AGAP1: variants seen among roughly 807,000 people sequenced by gnomAD.
AGAP1 encodes ArfGAP with GTPase domain, ankyrin repeat and PH domain 1.
In AGAP1, 29 loss-of-function variants were observed where a neutral mutation model predicts 105.3. That is an observed-to-expected ratio of 0.28 (90% confidence interval 0.21 to 0.38). AGAP1 has a LOEUF of 0.38. Among genes scored for constraint, AGAP1 ranks in the 10% least tolerant of loss-of-function variants. The pLI is 1.00. For missense variants in AGAP1, 998 were observed against 1,165.1 expected (o/e 0.86, Z 2.09); for synonymous variants, 509 against 485.9 (o/e 1.05, Z -0.63).
intron 6 of AGAP1, chr2:235,774,031 A>G (rs1400837982): frequency 6.5e-6 from 3 of 458,024 alleles, no homozygotes; most frequent in Non-Finnish European, 1.3e-5. Flanking sequence ...AGCAATTACT[A>G]CTACTATTAT....
In AGAP1 at chr2:236,123,874, A is replaced by G. The variant is rs1450478939; in HGVS notation, c.2371-45A>G. The G allele has an allele frequency of 1.2e-6, 2 of 1,608,046 alleles. No individual in the cohort carries two copies. Among genetic ancestry groups the G allele is most frequent in the South Asian group, 1.1e-5 (1 of 90,788 alleles). On this transcript the variant is annotated intron_variant, in intron 17 of 17. Coordinates refer to ENST00000304032, the MANE Select transcript of AGAP1 (RefSeq NM_001037131.3). This position sits in a 1 kb window ranked among gnomAD's most constrained non-coding sequence, Gnocchi z 4.6. Reference sequence around the variant, plus strand: ...GAAAGCTTCCCTGCCCCCTCCCTCCATCACATCCCCCATGATACTAATGTG... The same window carrying G: ...GAAAGCTTCCCTGCCCCCTCCCTCCGTCACATCCCCCATGATACTAATGTG...
At chr2:235,581,464 T>TA (rs1161675758) in intron 1 of AGAP1, among the ~76,000 whole-genome samples, 1 of 144,984 alleles carries the variant, frequency 6.9e-6, no homozygotes, top group Non-Finnish European at 1.5e-5. Flanking sequence ...TTTTTTTTTT[T>TA]AATGGATTGA....
chr2:235,501,723 C>G (rs1296950584), intron 1 of AGAP1, among the ~76,000 whole-genome samples: 1 of 152,134 alleles, frequency 6.6e-6, no homozygotes, highest in African/African-American at 2.4e-5. Flanking sequence ...GTTTTAACCA[C>G]TGATTTCGTT....
At chr2:235,617,616 C>T (rs868164874) in intron 1 of AGAP1, among the ~76,000 whole-genome samples, 5 of 152,102 alleles carry the variant, frequency 3.3e-5, no homozygotes, top group Admixed American at 6.6e-5. Context: ...GCAGGAGAAT[C>T]GCTTGAACCT....
intron 12 of AGAP1, among the ~76,000 whole-genome samples, chr2:235,955,446 T>C (rs1038382257): frequency 1.3e-5 from 2 of 152,202 alleles, no homozygotes; most frequent in African/African-American, 4.8e-5. Context: ...CGAATGCTCA[T>C]GTTCATGAGC....
intron 9 of AGAP1, among the ~76,000 whole-genome samples, chr2:235,831,184 T>TAAAA (rs35101565): frequency 0.014 from 1,954 of 138,022 alleles, 44 homozygotes; most frequent in African/African-American, 0.052. Flanking sequence ...TCTTCTTCTT[T>TAAAA]AAAAAAAAAA....
At position 235,663,255 on chromosome 2, in the gene AGAP1, G is replaced by GC. The variant is rs1948020764; in HGVS notation, c.164-45922dup. ...ACCTGGGAGACAGAGGTTGCAGTGA[G>GC]CCAAGATTGCACCATTGCACTCCAG... On this transcript the variant is annotated intron_variant, in intron 1 of 17. Transcript: ENST00000304032. This position sits in a 1 kb window ranked among gnomAD's most constrained non-coding sequence, Gnocchi z 5.4. 6.6e-6 allele frequency among the ~76,000 whole-genome samples: 1 copy of GC among 152,150 alleles called. No individual in the cohort carries two copies. Among genetic ancestry groups the GC allele is most frequent in the South Asian group, 2.1e-4 (1 of 4,824 alleles).
rs566792481 is a variant in AGAP1, at chr2:235,844,896, G to T, written c.1050+37565G>T. ...CCCTTCATTCCCAAGATGGCCTTCT[G>T]TAAGACAAACATTGTAGCACCCATC... On this transcript the variant is annotated intron_variant, in intron 9 of 17. Transcript: ENST00000304032. Among the ~76,000 whole-genome samples the T allele has an allele frequency of 9.4e-4, 143 of 152,256 alleles. 1 individual carries two copies. Among genetic ancestry groups the T allele is most frequent in the African/African-American group, 3.0e-3 (126 of 41,566 alleles).
intron 6 of AGAP1, among the ~76,000 whole-genome samples, chr2:235,779,105 C>T (rs954777589): frequency 7.2e-5 from 11 of 152,212 alleles, no homozygotes; most frequent in African/African-American, 2.7e-4. Flanking sequence ...TTCGGCGCTC[C>T]CCACCCCTGT....
chr2:236,031,415 C>T (rs542895117), intron 13 of AGAP1, among the ~76,000 whole-genome samples: 14 of 152,296 alleles, frequency 9.2e-5, no homozygotes, highest in African/African-American at 2.9e-4. Context: ...GCTAGCTGAT[C>T]GCAGATCCTT....
At chr2:235,534,696 G>A (rs1428149572) in intron 1 of AGAP1, among the ~76,000 whole-genome samples, 2 of 152,146 alleles carry the variant, frequency 1.3e-5, no homozygotes, top group African/African-American at 4.8e-5. Flanking sequence ...AGGGATACAC[G>A]GTGCCACCGT....
intron 1 of AGAP1, among the ~76,000 whole-genome samples, chr2:235,681,810 A>ACCTAAGT (rs1949086132): frequency 7.0e-6 from 1 of 143,184 alleles, no homozygotes; most frequent in Non-Finnish European, 1.5e-5. Context: ...ACGTGTGTAT[A>ACCTAAGT]CCTAAGTCCT....
At chr2:235,707,981 G>A (rs567639649) in intron 1 of AGAP1, among the ~76,000 whole-genome samples, 2 of 152,196 alleles carry the variant, frequency 1.3e-5, no homozygotes, top group Admixed American at 1.3e-4. Flanking sequence ...GACCTGGTGG[G>A]TTGTGCTCCC....
intron 1 of AGAP1, among the ~76,000 whole-genome samples, chr2:235,531,590 G>A (rs1196543173): frequency 6.7e-6 from 1 of 149,950 alleles, no homozygotes; most frequent in African/African-American, 2.5e-5. Context: ...GACACCTTTG[G>A]TTCTCTGGTA....
At chr2:235,812,782 C>T (rs145890468) in intron 9 of AGAP1, among the ~76,000 whole-genome samples, 2 of 152,320 alleles carry the variant, frequency 1.3e-5, no homozygotes, top group African/African-American at 2.4e-5. Context: ...GGACGGCTCA[C>T]GTTTATTAAG....
chr2:235,796,705 G>A (rs978839739), intron 6 of AGAP1, among the ~76,000 whole-genome samples: 3 of 151,892 alleles, frequency 2.0e-5, no homozygotes, highest in Non-Finnish European at 2.9e-5. Flanking sequence ...TATGGGCCCC[G>A]TCTACGTTAT....
rs527661318 is a variant in AGAP1 at position 235,736,936 on chromosome 2, G to A, written c.311-4027G>A. ...GTAGGTTGAATTTAAAATGGTGCAA[G>A]TGGTGGTGCCTGCAGAGTACCAGCT... is the stretch of plus-strand genomic sequence containing the variant. On this transcript the variant is annotated intron_variant, in intron 3 of 17. Coordinates refer to ENST00000304032, the MANE Select transcript of AGAP1 (RefSeq NM_001037131.3). This position sits in a 1 kb window ranked among gnomAD's most constrained non-coding sequence, Gnocchi z 5.5. 6.6e-6 allele frequency among the ~76,000 whole-genome samples: 1 copy of A among 152,362 alleles called. No individual in the cohort carries two copies. Among genetic ancestry groups the A allele is most frequent in the East Asian group, 1.9e-4 (1 of 5,178 alleles).
chr2:235,614,708 A>G lies in AGAP1; in HGVS notation c.164-94471A>G, dbSNP rs927826811. Among the ~76,000 whole-genome samples the G allele has an allele frequency of 6.6e-6, 1 of 152,160 alleles. No individual in the cohort carries two copies. On this transcript the variant is annotated intron_variant, in intron 1 of 17. Transcript: ENST00000304032. This position sits in a 1 kb window ranked among gnomAD's most constrained non-coding sequence, Gnocchi z 4.7. Reference sequence around the variant, plus strand: ...GGCAGGGCCCTTTTTCCACACGCTTAGGGAAGATACGAGACTGGCTAACTC... The same window carrying G: ...GGCAGGGCCCTTTTTCCACACGCTTGGGGAAGATACGAGACTGGCTAACTC...
intron 2 of AGAP1, among the ~76,000 whole-genome samples, chr2:235,710,937 GCCCCATGGGGAGGGATAGGTACGGTTAT>G (rs1950825883): frequency 6.6e-6 from 1 of 152,170 alleles, no homozygotes; most frequent in African/African-American, 2.4e-5. Context: ...CCTGACAAGT[GCCCCATGGGGAGGGATAGGTACGGTTAT>G]CCCCATTTCA....
Sources: gnomAD v4.1 joint callset for allele counts (sites outside exome capture counted in the v4.1 genomes callset) on GRCh38, gnomAD v4.1.1 for gene constraint, Gnocchi (gnomAD v3.1) non-coding constraint, MANE v1.5 for transcripts, NCBI Gene and HGNC (gene_info 2026-07-23, HGNC 2026-07-21) for gene names.